The following TMEM135 variants were observed in gnomAD, a reference collection of about 807,000 sequenced individuals.
The protein encoded by TMEM135 is transmembrane protein 135, also known as peroxisomal membrane protein 52.
A neutral mutation model predicts 60.3 loss-of-function variants in TMEM135; 30 were observed. That is an observed-to-expected ratio of 0.50 (90% CI 0.37 to 0.68). TMEM135 has a LOEUF of 0.68. Among genes scored for constraint, TMEM135 ranks in the 30% least tolerant of loss-of-function variants. TMEM135 has a pLI of 0.00. For synonymous variants in TMEM135, 190 were observed against 186.7 expected, an observed-to-expected ratio of 1.02 and a Z score of -0.14; for missense variants, 468 against 548.8, an observed-to-expected ratio of 0.85 and a Z score of 1.47.
intron 6 of TMEM135, among the ~76,000 whole-genome samples, chr11:87,270,560 A>G (rs910172699): frequency 6.6e-6 from 1 of 152,194 alleles, no homozygotes; most frequent in Non-Finnish European, 1.5e-5. Flanking sequence ...ACATTTCCTT[A>G]GTGTTTCTAA....
In TMEM135 at chr11:87,216,412, C is replaced by A. The variant is rs565882995; in HGVS notation, c.463-20226C>A. On this transcript the variant is annotated intron_variant, in intron 5 of 14. Coordinates refer to ENST00000305494, the MANE Select transcript of TMEM135 (RefSeq NM_022918.4). ...GAGAGGGTACAGTGGCTTACTCTAC[C>A]CTGTTGTTTGACTATGTGTTGACGT... is the stretch of plus-strand genomic sequence containing the variant. 2.0e-5 allele frequency among the ~76,000 whole-genome samples: 3 copies of A among 151,950 alleles called. No homozygotes were observed. The South Asian group carries it at 6.2e-4, about 32-fold the overall frequency.
intron 2 of TMEM135, among the ~76,000 whole-genome samples, chr11:87,070,681 A>G (rs897736431): frequency 4.6e-5 from 7 of 152,002 alleles, no homozygotes; most frequent in African/African-American, 1.5e-4. Context: ...CGAAACCCAG[A>G]CAGCTACTGG....
At chr11:87,285,872 G>T (rs938834470) in intron 6 of TMEM135, among the ~76,000 whole-genome samples, 1 of 152,148 alleles carries the variant, frequency 6.6e-6, no homozygotes, top group East Asian at 1.9e-4. Flanking sequence ...GTTTTACAGA[G>T]AGCTGATTGG....
intron 6 of TMEM135, among the ~76,000 whole-genome samples, chr11:87,241,795 T>C (rs964380123): frequency 3.3e-5 from 5 of 152,054 alleles, no homozygotes; most frequent in Admixed American, 6.6e-5. Flanking sequence ...TGGCTTATTT[T>C]ACTTAAAGTC....
chr11:87,200,697 T>C (rs1026208881), intron 5 of TMEM135, among the ~76,000 whole-genome samples: 2 of 152,206 alleles, frequency 1.3e-5, no homozygotes. Context: ...AAATGTATAA[T>C]GACATGTATC....
intron 12 of TMEM135, among the ~76,000 whole-genome samples, chr11:87,315,427 C>T (rs1942711469): frequency 6.6e-6 from 1 of 151,892 alleles, no homozygotes; most frequent in Non-Finnish European, 1.5e-5. Context: ...TGCATCATCA[C>T]ATGACGAGGC....
intron 1 of TMEM135, among the ~76,000 whole-genome samples, chr11:87,058,521 G>A (rs1225171656): frequency 2.0e-5 from 3 of 152,060 alleles, no homozygotes. Context: ...AGTAGAGACT[G>A]GGTTTCGCTA....
At chr11:87,259,035 G>T in intron 6 of TMEM135, 5 of 1,485,190 alleles carry the variant, frequency 3.4e-6, no homozygotes, top group Non-Finnish European at 3.7e-6. Context: ...CGGCTGCCCT[G>T]GGAAACCTGT....
chr11:87,262,786 G>C (rs539008922), intron 6 of TMEM135, among the ~76,000 whole-genome samples: 5 of 152,134 alleles, frequency 3.3e-5, no homozygotes, highest in South Asian at 4.1e-4. Context: ...TGCAAGGAAG[G>C]CTGTCTTCAT....
chr11:87,323,673 T>G lies in TMEM135; in HGVS notation c.*2340T>G. The G allele has an allele frequency of 4.4e-6, 2 of 453,508 alleles. No individual in the cohort carries two copies. The highest frequency in any genetic ancestry group is 3.1e-5 in the South Asian group (2 of 64,182). 28.1% of individuals were successfully genotyped at this position (453,508 alleles called of 1,614,324 possible). ...AAAAACCGTGCATTTGGGGCAGTGG[T>G]ATTATGGTCATTTCGTTGCTATTTT... On this transcript the variant is annotated 3_prime_UTR_variant, in exon 15 of 15. Coordinates refer to ENST00000305494, the MANE Select transcript of TMEM135 (RefSeq NM_022918.4).
chr11:87,157,412 A>T lies in TMEM135; in HGVS notation c.462+6A>T. ...CAACATTAAGAAATGGAGAAGTAAG[A>T]TGAGAATTTTGATATAGTTATTAGT... On this transcript the variant is annotated splice_donor_region_variant and intron_variant, in intron 5 of 14. Coordinates refer to ENST00000305494, the MANE Select transcript of TMEM135 (RefSeq NM_022918.4). 2 of 1,610,876 alleles carry T rather than the reference A, an allele frequency of 1.2e-6. No homozygotes were observed. Among genetic ancestry groups the T allele is most frequent in the Non-Finnish European group, 1.7e-6 (2 of 1,177,436 alleles).
chr11:87,303,865 T>G (rs1000963761), intron 8 of TMEM135, among the ~76,000 whole-genome samples: 1 of 152,320 alleles, frequency 6.6e-6, no homozygotes, highest in East Asian at 1.9e-4. Context: ...TATGGGTGAA[T>G]GATGCCTTGG....
intron 12 of TMEM135, among the ~76,000 whole-genome samples, chr11:87,314,829 A>G (rs750446933): frequency 3.3e-5 from 5 of 151,698 alleles, no homozygotes; most frequent in Admixed American, 6.6e-5. Flanking sequence ...CCTCAACCCC[A>G]CAGGTATCGA....
chr11:87,105,425 G>A (rs577310096), intron 4 of TMEM135, among the ~76,000 whole-genome samples: 3 of 152,194 alleles, frequency 2.0e-5, no homozygotes, highest in African/African-American at 7.2e-5. Flanking sequence ...GTTTCATCCT[G>A]AAACCAACTC....
chr11:87,200,926 A>G (rs982647529), intron 5 of TMEM135, among the ~76,000 whole-genome samples: 1 of 152,334 alleles, frequency 6.6e-6, no homozygotes, highest in Admixed American at 6.5e-5. Context: ...AGACATTTAA[A>G]TATTTAATAA....
rs374477036 is a variant in TMEM135 at position 87,059,174 on chromosome 11, C to T, written c.142-8520C>T. On this transcript the variant is annotated intron_variant, in intron 1 of 14. Coordinates refer to ENST00000305494, the MANE Select transcript of TMEM135 (RefSeq NM_022918.4). The stretch of plus-strand genomic sequence containing the variant: ...CTGGTCTTGAACTCCTGACCTCAGG[C>T]GATCCACCTGCCTCGGCCTCCCAAA... Among the ~76,000 whole-genome samples, 16 of 151,784 alleles carry T rather than the reference C, an allele frequency of 1.1e-4. No individual in the cohort carries two copies. The South Asian group carries it at 3.1e-3, about 30-fold the overall frequency.
intron 5 of TMEM135, among the ~76,000 whole-genome samples, chr11:87,216,817 A>G (rs1434140017): frequency 2.0e-5 from 3 of 152,208 alleles, no homozygotes; most frequent in African/African-American, 7.2e-5. Flanking sequence ...GATTTGATCA[A>G]TTACTTTAAA....
At position 87,051,118 on chromosome 11, in the gene TMEM135, C is replaced by G. The variant is rs1483189763; in HGVS notation, c.141+12932C>G. On this transcript the variant is annotated intron_variant, in intron 1 of 14. Transcript: ENST00000305494. Reference sequence around the variant, plus strand: ...AAACCTTTGACAAAATTCAACAACCCTTCATGCTAAAAACTCTCAATAAAT... The same window carrying G: ...AAACCTTTGACAAAATTCAACAACCGTTCATGCTAAAAACTCTCAATAAAT... 3.9e-5 allele frequency among the ~76,000 whole-genome samples: 3 copies of G among 77,324 alleles called. 1 individual carries two copies. The highest frequency in any genetic ancestry group is 6.5e-5 in the Non-Finnish European group (3 of 45,868). 50.7% of individuals were successfully genotyped at this position (77,324 alleles called of 152,430 possible).
chr11:87,151,064 C>T lies in TMEM135; in HGVS notation c.397-6277C>T, dbSNP rs562272389. ...TGCAAGTATTGCTGTTGAGTAGTCC[C>T]GGGTTGTTTTGATTCCTGTTTCTTT... On this transcript the variant is annotated intron_variant, in intron 4 of 14. Transcript: ENST00000305494. Among the ~76,000 whole-genome samples, 48 of 151,932 alleles carry T rather than the reference C, an allele frequency of 3.2e-4. No individual in the cohort carries two copies. In the South Asian group the frequency reaches 7.9e-3, roughly 25 times the overall value.
Sources: allele counts gnomAD v4.1 joint callset (sites outside exome capture counted in the v4.1 genomes callset), GRCh38; gene constraint gnomAD v4.1.1; transcripts MANE v1.5; gene names NCBI Gene and HGNC (gene_info 2026-07-23, HGNC 2026-07-21).